The following SSBP3 variants were observed in gnomAD, a reference collection of about 807,000 sequenced individuals.
SSBP3 encodes single-stranded DNA-binding protein 3.
SSBP3 carries 5 observed loss-of-function variants against 69.6 expected under a neutral mutation model. The observed-to-expected ratio is 0.07, with a 90% CI of 0.04 to 0.15. The LOEUF (loss-of-function observed/expected upper bound fraction) is 0.15. Among genes scored for constraint, SSBP3 ranks in the 10% least tolerant of loss-of-function variants. The pLI is 1.00. For synonymous variants in SSBP3, 196 were observed against 193.4 expected, an observed-to-expected ratio of 1.01 and a Z score of -0.11; for missense variants, 312 against 534.0, an observed-to-expected ratio of 0.58 and a Z score of 4.10.
intron 4 of SSBP3, among the ~76,000 whole-genome samples, chr1:54,289,480 C>T (rs531197814): frequency 2.5e-4 from 38 of 152,248 alleles, no homozygotes; most frequent in East Asian, 5.8e-4. Flanking sequence ...ACCCAGACTG[C>T]GCTGTGCTCA....
At chr1:54,342,784 C>G (rs1450240807) in intron 4 of SSBP3, among the ~76,000 whole-genome samples, 4 of 152,160 alleles carry the variant, frequency 2.6e-5, no homozygotes, top group African/African-American at 9.7e-5. Context: ...CGGAAAGGCA[C>G]CTGGCACACC....
intron 4 of SSBP3, among the ~76,000 whole-genome samples, chr1:54,301,326 C>T (rs141054107): frequency 8.5e-4 from 129 of 152,308 alleles, no homozygotes; most frequent in Non-Finnish European, 1.4e-3. Flanking sequence ...AGCAGCAGCA[C>T]GCCAACTTTG....
At chr1:54,390,300 C>T (rs999701370) in intron 4 of SSBP3, among the ~76,000 whole-genome samples, 1 of 152,150 alleles carries the variant, frequency 6.6e-6, no homozygotes, top group Non-Finnish European at 1.5e-5. Context: ...GAACTCACCA[C>T]CCCAACTCCC....
At chr1:54,269,450 G>C (rs1461868893) in intron 5 of SSBP3, among the ~76,000 whole-genome samples, 1 of 152,222 alleles carries the variant, frequency 6.6e-6, no homozygotes, top group Non-Finnish European at 1.5e-5. Context: ...GGAAGGGAAA[G>C]CTGCTTCCCA....
chr1:54,243,444 G>T, intron 9 of SSBP3, 145 bp from the exon 10 acceptor site: 1 of 959,582 alleles, frequency 1.0e-6, no homozygotes, highest in Non-Finnish European at 1.6e-6. Flanking sequence ...TTTCAAAAAC[G>T]GTGGGGCGGG....
At chr1:54,411,556 C>T (rs1442867663) in intron 1 of SSBP3, among the ~76,000 whole-genome samples, 3 of 151,624 alleles carry the variant, frequency 2.0e-5, no homozygotes, top group East Asian at 3.9e-4. Flanking sequence ...TGGGAGTCCG[C>T]GGCGGGAGGA....
At chr1:54,275,546 G>A (rs1645269254) in intron 5 of SSBP3, among the ~76,000 whole-genome samples, 1 of 152,214 alleles carries the variant, frequency 6.6e-6, no homozygotes, top group African/African-American at 2.4e-5. Context: ...GTTGCTGCCA[G>A]GGGTATGTTC....
chr1:54,264,932 G>C (rs994723637), intron 5 of SSBP3, among the ~76,000 whole-genome samples: 4 of 152,240 alleles, frequency 2.6e-5, no homozygotes, highest in African/African-American at 9.6e-5. Flanking sequence ...GAGGACCTGC[G>C]GTACTGGCGG....
upstream of SSBP3, among the ~76,000 whole-genome samples, chr1:54,410,592 C>A: frequency 6.6e-6 from 1 of 152,196 alleles, no homozygotes; most frequent in East Asian, 1.9e-4. Flanking sequence ...ACCTTCGGGC[C>A]GGTCAGCTCT....
At chr1:54,281,448 C>G (rs1176967349) in exon 5 of SSBP3, 2 of 1,563,268 alleles carry the variant, frequency 1.3e-6, no homozygotes, top group Non-Finnish European at 1.7e-6. Context: ...CTGAAAGAAA[C>G]CTGGCGGGAT....
At chr1:54,232,517 C>T (rs1644397263) in intron 14 of SSBP3, among the ~76,000 whole-genome samples, 1 of 152,186 alleles carries the variant, frequency 6.6e-6, no homozygotes, top group Non-Finnish European at 1.5e-5. Context: ...ATCACCTGAG[C>T]CCAGGAGTGC....
At chr1:54,387,553 T>C (rs1648183011) in intron 4 of SSBP3, among the ~76,000 whole-genome samples, 1 of 152,076 alleles carries the variant, frequency 6.6e-6, no homozygotes, top group Non-Finnish European at 1.5e-5. Context: ...AACACGTCTG[T>C]TTCTATTTGA....
At chr1:54,336,507 C>T (rs1391437594) in intron 4 of SSBP3, among the ~76,000 whole-genome samples, 1 of 152,172 alleles carries the variant, frequency 6.6e-6, no homozygotes, top group East Asian at 1.9e-4. Context: ...TGTCCAGAGC[C>T]TCCCAAGCCC....
In SSBP3 at chr1:54,239,755, C is replaced by T. The variant is rs541342011; in HGVS notation, c.857-556G>A. ...AAATGCAGCAGCAGAAAGAGAGAGC[C>T]GGAGTGGGAGCCCAGGATCCCGGCT... On this transcript the variant is annotated intron_variant, in intron 13 of 17. Transcript: ENST00000610401. Among the ~76,000 whole-genome samples, 9 of 152,246 alleles carry T rather than the reference C, an allele frequency of 5.9e-5. No individual in the cohort carries two copies. The South Asian group carries it at 1.5e-3, about 25-fold the overall frequency.
chr1:54,248,305 C>T (rs144956012), intron 9 of SSBP3, among the ~76,000 whole-genome samples: 2 of 152,330 alleles, frequency 1.3e-5, no homozygotes, highest in East Asian at 3.9e-4. Context: ...GTAGGCAGGG[C>T]TCCCTCCCAC....
intron 13 of SSBP3, among the ~76,000 whole-genome samples, chr1:54,239,476 C>G (rs548079391): frequency 5.9e-5 from 9 of 152,274 alleles, no homozygotes; most frequent in African/African-American, 2.2e-4. Flanking sequence ...GAATCTGGTC[C>G]CCAGACACTG....
chr1:54,296,972 A>G (rs1645714556), intron 4 of SSBP3, among the ~76,000 whole-genome samples: 1 of 152,132 alleles, frequency 6.6e-6, no homozygotes, highest in Admixed American at 6.5e-5. Flanking sequence ...AATCCTCCCA[A>G]CAATCTCCTG....
intron 4 of SSBP3, among the ~76,000 whole-genome samples, chr1:54,400,617 G>T (rs566370527): frequency 6.6e-6 from 1 of 152,188 alleles, no homozygotes; most frequent in Non-Finnish European, 1.5e-5. Flanking sequence ...GAGGGAACAA[G>T]AACTGCTCAA....
chr1:54,309,682 G>A lies in SSBP3; in HGVS notation c.277-28155C>T, dbSNP rs534570261. Among the ~76,000 whole-genome samples the A allele has an allele frequency of 1.7e-3, 252 of 152,198 alleles. 2 individuals are homozygous for A. The highest frequency in any genetic ancestry group is 2.9e-3 in the Non-Finnish European group (200 of 68,014). On this transcript the variant is annotated intron_variant, in intron 4 of 17. Coordinates refer to ENST00000610401, the Ensembl canonical transcript of SSBP3. ...GGTCCTGAAAAATCCCTAACTCCCC[G>A]GTTGCCCTGTACTCAGAAATAACCA...
Sources: allele counts gnomAD v4.1 joint callset (sites outside exome capture counted in the v4.1 genomes callset), GRCh38; gene constraint gnomAD v4.1.1; transcripts MANE v1.5; gene names NCBI Gene and HGNC (gene_info 2026-07-23, HGNC 2026-07-21).